Variants in VTI1A observed in about 807,000 individuals in gnomAD.
VTI1A encodes the protein vesicle transport through interaction with t-SNAREs homolog 1A.
A neutral mutation model predicts 34.9 loss-of-function variants in VTI1A; 22 were observed. The ratio of observed to expected loss-of-function variants is 0.63; its 90% CI spans 0.45 to 0.90. The LOEUF is 0.90. VTI1A is among the 40% of genes least tolerant of loss of function. The pLI, the probability that VTI1A is intolerant of heterozygous loss-of-function variation, is 0.00. For missense variants in VTI1A, 268 were observed against 275.6 expected, an observed-to-expected ratio of 0.97 and a Z score of 0.20; for synonymous variants, 87 against 97.3, an observed-to-expected ratio of 0.89 and a Z score of 0.62.
chr10:112,574,368 C>G (rs1262330872), intron 5 of VTI1A, among the ~76,000 whole-genome samples: 2 of 152,176 alleles, frequency 1.3e-5, no homozygotes, highest in Non-Finnish European at 2.9e-5. Flanking sequence ...TTCCACTGTT[C>G]TTATTTTTAA....
At chr10:112,842,181 T>C in the VTI1A span, among the ~76,000 whole-genome samples, 2 of 149,258 alleles carry the variant, frequency 1.3e-5, no homozygotes, top group African/African-American at 4.9e-5. Flanking sequence ...AGGAGTTCTT[T>C]AAAATGAGAT....
intron 5 of VTI1A, among the ~76,000 whole-genome samples, chr10:112,638,352 T>A (rs1846440088): frequency 6.6e-6 from 1 of 152,220 alleles, no homozygotes; most frequent in Non-Finnish European, 1.5e-5. Flanking sequence ...TGCTGAAATG[T>A]TCAAAAGAAG....
chr10:112,819,627 G>A (rs772287240), downstream of VTI1A, among the ~76,000 whole-genome samples: 3 of 152,170 alleles, frequency 2.0e-5, no homozygotes, highest in Admixed American at 6.5e-5. Flanking sequence ...GAGACACTTT[G>A]CTGAGATGGG....
chr10:112,518,060 T>A (rs1462017225), intron 3 of VTI1A, among the ~76,000 whole-genome samples: 1 of 152,048 alleles, frequency 6.6e-6, no homozygotes, highest in Non-Finnish European at 1.5e-5. Context: ...AAAATAAAAA[T>A]TTCATTTATA....
chr10:112,698,747 G>T (rs986481861), intron 7 of VTI1A, among the ~76,000 whole-genome samples: 1 of 152,198 alleles, frequency 6.6e-6, no homozygotes, highest in Non-Finnish European at 1.5e-5. Context: ...TGGAACACAT[G>T]CTTTGCCACC....
intron 5 of VTI1A, chr10:112,538,605 A>G: frequency 3.1e-6 from 1 of 319,790 alleles, no homozygotes; most frequent in Non-Finnish European, 5.7e-6. Flanking sequence ...ATATGCAGTT[A>G]CATGTTGTCA....
In VTI1A at chr10:112,649,144, C is replaced by T. The variant is rs78319569; in HGVS notation, c.428-19074C>T. Among the ~76,000 whole-genome samples, 887 of 152,030 alleles carry T rather than the reference C, an allele frequency of 5.8e-3. 5 individuals are homozygous for T. The highest frequency in any genetic ancestry group is 9.8e-3 in the Non-Finnish European group (663 of 67,992). Reference sequence around the variant, plus strand: ...ACAGGAGTGCACTGGGGTCAGGGCACGCACAATGAATTATACAGCATTCAC... The same window carrying T: ...ACAGGAGTGCACTGGGGTCAGGGCATGCACAATGAATTATACAGCATTCAC... On this transcript the variant is annotated intron_variant, in intron 5 of 7. Transcript: ENST00000393077.
intron 7 of VTI1A, among the ~76,000 whole-genome samples, chr10:112,809,280 T>C (rs560668750): frequency 1.3e-5 from 2 of 152,386 alleles, no homozygotes; most frequent in African/African-American, 2.4e-5. Context: ...CTGTTTCTCC[T>C]ACTCCTGTTT....
chr10:112,731,764 CAT>C (rs1235007084), intron 7 of VTI1A, among the ~76,000 whole-genome samples: 1 of 152,126 alleles, frequency 6.6e-6, no homozygotes, highest in Non-Finnish European at 1.5e-5. Flanking sequence ...GTTTATTCCA[CAT>C]ATTTTATAGC....
chr10:112,808,693 G>A (rs1048485792), intron 7 of VTI1A, among the ~76,000 whole-genome samples: 7 of 151,638 alleles, frequency 4.6e-5, no homozygotes, highest in Non-Finnish European at 7.4e-5. Context: ...ATGGGGAATT[G>A]TTTGGCTCCT....
intron 7 of VTI1A, among the ~76,000 whole-genome samples, chr10:112,790,512 G>A (rs1852425333): frequency 6.6e-6 from 1 of 152,160 alleles, no homozygotes; most frequent in African/African-American, 2.4e-5. Flanking sequence ...GCAGAGGTGT[G>A]GGTTTTCACC....
chr10:112,656,473 T>C (rs1847231836), intron 5 of VTI1A, among the ~76,000 whole-genome samples: 1 of 147,224 alleles, frequency 6.8e-6, no homozygotes, highest in African/African-American at 2.5e-5. Context: ...TCCTCTGGCC[T>C]CAGCCTTCTG....
intron 2 of VTI1A, among the ~76,000 whole-genome samples, chr10:112,463,669 A>G (rs1847805523): frequency 1.3e-5 from 2 of 151,842 alleles, no homozygotes; most frequent in South Asian, 4.1e-4. Context: ...ATTAAGCTAT[A>G]TGTAATTTAG....
At chr10:112,672,296 G>A (rs564902783) in intron 7 of VTI1A, among the ~76,000 whole-genome samples, 4 of 152,138 alleles carry the variant, frequency 2.6e-5, no homozygotes, top group Admixed American at 6.5e-5. Context: ...TGCTTCAACC[G>A]AAAAGAAATT....
chr10:112,522,096 A>G (rs1168607406), intron 3 of VTI1A, among the ~76,000 whole-genome samples: 3 of 152,110 alleles, frequency 2.0e-5, no homozygotes, highest in Non-Finnish European at 4.4e-5. Flanking sequence ...TTATATGACT[A>G]ACTAATCAAT....
At chr10:112,598,370 C>A (rs927531759) in intron 5 of VTI1A, among the ~76,000 whole-genome samples, 2 of 152,196 alleles carry the variant, frequency 1.3e-5, no homozygotes, top group Non-Finnish European at 2.9e-5. Context: ...TCCTTCTGTT[C>A]AGTCTCCAAA....
intron 5 of VTI1A, among the ~76,000 whole-genome samples, chr10:112,544,288 T>C (rs900616415): frequency 6.6e-6 from 1 of 152,220 alleles, no homozygotes; most frequent in African/African-American, 2.4e-5. Flanking sequence ...TGGAGTGCCA[T>C]GATGCAATCT....
intron 7 of VTI1A, chr10:112,671,894 T>C (rs1847863146): frequency 6.6e-6 from 1 of 152,214 alleles, no homozygotes; most frequent in Non-Finnish European, 1.5e-5. Flanking sequence ...TTCTTCTGCT[T>C]ATTCATTTCC....
rs547908850 is a variant in VTI1A at position 112,790,931 on chromosome 10, C to T, written c.561-24359C>T. Among the ~76,000 whole-genome samples, 63 of 152,226 alleles carry T rather than the reference C, an allele frequency of 4.1e-4. No homozygotes were observed. In the South Asian group the frequency reaches 7.7e-3, roughly 19 times the overall value. On this transcript the variant is annotated intron_variant, in intron 7 of 7. Coordinates refer to ENST00000393077, the MANE Select transcript of VTI1A (RefSeq NM_145206.4). ...CTTGCAATGAAAGACCTCATCTTTGCGGATTTGGGCCTCTACTTCCCAGAA... is the reference window on the plus strand; with the variant it reads ...CTTGCAATGAAAGACCTCATCTTTGTGGATTTGGGCCTCTACTTCCCAGAA...
Sources: gnomAD v4.1 joint callset for allele counts (sites outside exome capture counted in the v4.1 genomes callset) on GRCh38, gnomAD v4.1.1 for gene constraint, MANE v1.5 for transcripts, NCBI Gene and HGNC (gene_info 2026-07-23, HGNC 2026-07-21) for gene names.